Variants in MSRA observed in about 807,000 individuals in gnomAD.
The protein encoded by MSRA is mitochondrial peptide methionine sulfoxide reductase.
A neutral mutation model predicts 31.3 loss-of-function variants in MSRA; 54 were observed. The observed-to-expected ratio is 1.73, with a 90% confidence interval of 1.39 to 2.17. The LOEUF is 2.17. MSRA is among the 30% of genes most tolerant of loss of function. The pLI, the probability that MSRA is intolerant of heterozygous loss-of-function variation, is 0.00. For missense variants in MSRA, 507 were observed against 300.9 expected, an observed-to-expected ratio of 1.69 and a Z score of -5.07; for synonymous variants, 169 against 116.5, an observed-to-expected ratio of 1.45 and a Z score of -2.90.
chr8:10,261,529 TC>T (rs1484498974), intron 3 of MSRA, among the ~76,000 whole-genome samples: 3 of 152,154 alleles, frequency 2.0e-5, no homozygotes, highest in Non-Finnish European at 4.4e-5. Context: ...GGCATTCGTT[TC>T]TACAAAACCT....
chr8:10,368,032 G>A (rs955306204), intron 5 of MSRA, among the ~76,000 whole-genome samples: 4 of 152,166 alleles, frequency 2.6e-5, no homozygotes, highest in Non-Finnish European at 4.4e-5. Context: ...GGAGCTGCCG[G>A]ACGGTAGAAT....
Position 10,054,556 on chromosome 8 carries a change from C to T in MSRA, c.40C>T (p.Leu14Phe), listed in dbSNP as rs891281233. The change falls in exon 1 of 6, where the codon CTC becomes TTC. Residue 14 changes from leucine (L) to phenylalanine (F), a missense_variant. Physicochemically the swap from Leu to Phe is conservative, Grantham distance 22. Transcript: ENST00000317173. ...ATRRACQLLLLHSLFPVPRMG... is the reference protein window; with the variant it reads ...ATRRACQLLLFHSLFPVPRMG... Reference sequence around the variant, plus strand: ...CCGGAGGGCTTGCCAGCTCCTCCTCCTCCACAGCCTCTTTCCCGTCCCGAG... The same window carrying T: ...CCGGAGGGCTTGCCAGCTCCTCCTCTTCCACAGCCTCTTTCCCGTCCCGAG... The T allele has an allele frequency of 2.7e-5, 43 of 1,587,104 alleles. No homozygotes were observed. Among genetic ancestry groups the T allele is most frequent in the Non-Finnish European group, 3.5e-5 (41 of 1,167,136 alleles).
At chr8:10,058,062 G>A (rs1239948968) in intron 1 of MSRA, among the ~76,000 whole-genome samples, 1 of 152,154 alleles carries the variant, frequency 6.6e-6, no homozygotes, top group Non-Finnish European at 1.5e-5. Flanking sequence ...ACTTTGACAA[G>A]TTTGATTCTA....
At chr8:10,413,119 G>A (rs1226191004) in intron 5 of MSRA, among the ~76,000 whole-genome samples, 1 of 152,214 alleles carries the variant, frequency 6.6e-6, no homozygotes, top group East Asian at 1.9e-4. Context: ...GAATGCGTAT[G>A]CCCAGGAAGG....
At chr8:10,213,938 A>G (rs1454364298) in intron 2 of MSRA, among the ~76,000 whole-genome samples, 1 of 152,096 alleles carries the variant, frequency 6.6e-6, no homozygotes, top group East Asian at 1.9e-4. Context: ...TGCAGTGAGA[A>G]ACCTTAATGT....
intron 1 of MSRA, among the ~76,000 whole-genome samples, chr8:10,118,483 C>T (rs943674961): frequency 6.6e-6 from 1 of 152,102 alleles, no homozygotes; most frequent in African/African-American, 2.4e-5. Flanking sequence ...CCATCTCTCC[C>T]CTCTTTAAAG....
chr8:10,414,689 C>G (rs752852447), intron 5 of MSRA, among the ~76,000 whole-genome samples: 6 of 152,226 alleles, frequency 3.9e-5, no homozygotes, highest in African/African-American at 1.4e-4. Flanking sequence ...CTTTTCTATT[C>G]AACCTTTTGG....
intron 1 of MSRA, among the ~76,000 whole-genome samples, chr8:10,165,233 A>G (rs964078739): frequency 2.6e-5 from 4 of 152,216 alleles, no homozygotes; most frequent in Non-Finnish European, 5.9e-5. Context: ...ATTAGAGTTA[A>G]TATCATTACA....
intron 5 of MSRA, among the ~76,000 whole-genome samples, chr8:10,362,414 A>C (rs1020822465): frequency 6.7e-6 from 1 of 149,066 alleles, no homozygotes; most frequent in South Asian, 2.1e-4. Context: ...TACAAATTTA[A>C]CTACAGCCAC....
At chr8:10,417,046 C>T (rs796852921) in intron 5 of MSRA, among the ~76,000 whole-genome samples, 20 of 152,304 alleles carry the variant, frequency 1.3e-4, no homozygotes, top group African/African-American at 4.3e-4. Context: ...TGGGAAAGGA[C>T]GGAACACAGG....
intron 5 of MSRA, among the ~76,000 whole-genome samples, chr8:10,415,033 G>A (rs753857425): frequency 1.2e-4 from 19 of 152,170 alleles, no homozygotes; most frequent in Non-Finnish European, 1.6e-4. Flanking sequence ...CAAATCAAGA[G>A]GAAGCAGCAG....
intron 5 of MSRA, among the ~76,000 whole-genome samples, chr8:10,352,085 A>C (rs144011458): frequency 1.3e-5 from 2 of 152,330 alleles, no homozygotes; most frequent in Non-Finnish European, 2.9e-5. Flanking sequence ...GAGCTGGATG[A>C]AATAGCTTCC....
At chr8:10,093,767 T>G (rs1798977548) in intron 1 of MSRA, among the ~76,000 whole-genome samples, 1 of 152,238 alleles carries the variant, frequency 6.6e-6, no homozygotes. Flanking sequence ...TCATTTCAGC[T>G]TGGTGGAAAA....
rs1166122706 is a variant in MSRA, at chr8:10,107,091, A to G, written c.142+52433A>G. Among the ~76,000 whole-genome samples, 3 of 152,274 alleles carry G rather than the reference A, an allele frequency of 2.0e-5. No homozygotes were observed. The East Asian group carries it at 5.8e-4, about 29-fold the overall frequency. The stretch of plus-strand genomic sequence containing the variant: ...AACCGCTGCCATCACCCAGCTGATG[A>G]TACAGTGGTGAAGGACTACAGATCA... On this transcript the variant is annotated intron_variant, in intron 1 of 5. Transcript: ENST00000317173.
chr8:10,334,816 C>T lies in MSRA; in HGVS notation c.543+14827C>T, dbSNP rs570956275. Among the ~76,000 whole-genome samples the T allele has an allele frequency of 4.6e-5, 7 of 152,384 alleles. No homozygotes were observed. The South Asian group carries it at 1.2e-3, about 27-fold the overall frequency. On this transcript the variant is annotated intron_variant, in intron 5 of 5. Transcript: ENST00000317173. The stretch of plus-strand genomic sequence containing the variant: ...TGCACTTACTTCAAAATGTGCCTTA[C>T]TCCCTCTGGTGGGACCATTTAACTC...
intron 3 of MSRA, among the ~76,000 whole-genome samples, chr8:10,300,336 A>T (rs550439186): frequency 2.0e-5 from 3 of 151,470 alleles, no homozygotes; most frequent in East Asian, 1.9e-4. Flanking sequence ...GCTTACTGCA[A>T]CCTCCACCTC....
intron 4 of MSRA, among the ~76,000 whole-genome samples, chr8:10,316,842 G>C (rs1801755674): frequency 6.6e-6 from 1 of 152,106 alleles, no homozygotes. Context: ...TCCACCTAGG[G>C]GAGGACTTCG....
intron 1 of MSRA, among the ~76,000 whole-genome samples, chr8:10,144,542 A>G (rs1269583238): frequency 6.6e-6 from 1 of 152,198 alleles, no homozygotes; most frequent in African/African-American, 2.4e-5. Flanking sequence ...TATTCAAAAT[A>G]TATTCAAGAT....
At chr8:10,275,726 ACT>A (rs1290152698) in intron 3 of MSRA, among the ~76,000 whole-genome samples, 2 of 152,102 alleles carry the variant, frequency 1.3e-5, no homozygotes, top group African/African-American at 4.8e-5. Context: ...CAGTCGGTCG[ACT>A]CTGTCACTTA....
Sources: allele counts gnomAD v4.1 joint callset (sites outside exome capture counted in the v4.1 genomes callset), GRCh38; gene constraint gnomAD v4.1.1; transcripts MANE v1.5; gene names NCBI Gene and HGNC (gene_info 2026-07-23, HGNC 2026-07-21).